RUNDC3B: variants seen among roughly 807,000 people sequenced by gnomAD.
The protein encoded by RUNDC3B is RUN domain containing 3B, also known as RUN domain-containing protein 3B.
RUNDC3B carries 33 observed loss-of-function variants against 58.4 expected under a neutral mutation model. The ratio of observed to expected loss-of-function variants is 0.56; its 90% CI spans 0.43 to 0.75. The LOEUF (loss-of-function observed/expected upper bound fraction) is 0.75, where lower values mean the gene tolerates loss of function less well. RUNDC3B is among the 30% of genes least tolerant of loss of function. RUNDC3B has a pLI of 0.00. For missense variants in RUNDC3B, 501 were observed against 535.7 expected (o/e 0.94, Z 0.64); for synonymous variants, 193 against 195.2 (o/e 0.99, Z 0.10).
At chr7:87,770,853 C>A in intron 7 of RUNDC3B, 104 bp downstream of exon 7, 1 of 724,392 alleles carries the variant, frequency 1.4e-6, no homozygotes, top group Non-Finnish European at 2.2e-6. Flanking sequence ...TTATCCATTG[C>A]TGCTTCTCTT....
At chr7:87,701,432 A>G (rs922262505) in intron 3 of RUNDC3B, among the ~76,000 whole-genome samples, 1 of 152,202 alleles carries the variant, frequency 6.6e-6, no homozygotes, top group Admixed American at 6.5e-5. Context: ...TAAAACATTG[A>G]TGTTGATATC....
intron 6 of RUNDC3B, among the ~76,000 whole-genome samples, chr7:87,758,856 G>A (rs889577711): frequency 6.6e-6 from 1 of 152,134 alleles, no homozygotes; most frequent in Non-Finnish European, 1.5e-5. Flanking sequence ...ATGGAGAAAG[G>A]GGAACCCTTT....
At chr7:87,817,837 G>C (rs1180925841) in intron 10 of RUNDC3B, among the ~76,000 whole-genome samples, 1 of 152,166 alleles carries the variant, frequency 6.6e-6, no homozygotes, top group Admixed American at 6.6e-5. Context: ...GTATGAACTA[G>C]AGTCTTGACA....
At chr7:87,820,141 C>A (rs1413519823) in intron 10 of RUNDC3B, among the ~76,000 whole-genome samples, 2 of 151,700 alleles carry the variant, frequency 1.3e-5, no homozygotes, top group Non-Finnish European at 2.9e-5. Context: ...AGACCGCTAG[C>A]AAGAATAATA....
intron 8 of RUNDC3B, among the ~76,000 whole-genome samples, chr7:87,793,546 A>C (rs530279125): frequency 7.2e-5 from 11 of 152,324 alleles, no homozygotes; most frequent in African/African-American, 2.2e-4. Flanking sequence ...AGTGTGATAC[A>C]TCATATCAAC....
chr7:87,817,581 C>T (rs969095480), intron 10 of RUNDC3B, among the ~76,000 whole-genome samples: 8 of 152,122 alleles, frequency 5.3e-5, no homozygotes, highest in African/African-American at 1.9e-4. Context: ...TTGCTTTTTC[C>T]ACTGCCCCAG....
chr7:87,762,112 CTATTCTTAATG>C (rs1833722441), intron 6 of RUNDC3B, among the ~76,000 whole-genome samples: 1 of 151,498 alleles, frequency 6.6e-6, no homozygotes, highest in African/African-American at 2.4e-5. Flanking sequence ...ATGTTTTCTT[CTATTCTTAATG>C]TGCTATGGGG....
chr7:87,669,146 G>A (rs1825576054), intron 2 of RUNDC3B, among the ~76,000 whole-genome samples: 1 of 152,128 alleles, frequency 6.6e-6, no homozygotes, highest in South Asian at 2.1e-4. Flanking sequence ...CTTGCTTTAT[G>A]AATCTGGGTG....
At chr7:87,646,244 C>T (rs1012723977) in intron 1 of RUNDC3B, among the ~76,000 whole-genome samples, 1 of 152,098 alleles carries the variant, frequency 6.6e-6, no homozygotes, top group Non-Finnish European at 1.5e-5. Context: ...CCATATAGGT[C>T]TCTTGATGAT....
At chr7:87,747,417 G>C (rs1422775432) in intron 6 of RUNDC3B, among the ~76,000 whole-genome samples, 1 of 152,216 alleles carries the variant, frequency 6.6e-6, no homozygotes, top group Admixed American at 6.5e-5. Context: ...TGTGAGGGTT[G>C]TTAGCTTTGG....
chr7:87,744,440 A>G (rs778362022), intron 6 of RUNDC3B, among the ~76,000 whole-genome samples: 7 of 152,202 alleles, frequency 4.6e-5, no homozygotes, highest in African/African-American at 7.2e-5. Flanking sequence ...CTACCCATCC[A>G]TGAGCATGGG....
chr7:87,656,930 G>A (rs1190275890), intron 2 of RUNDC3B, among the ~76,000 whole-genome samples: 1 of 152,062 alleles, frequency 6.6e-6, no homozygotes, highest in Admixed American at 6.6e-5. Context: ...TGTTGTAAGT[G>A]CTGGGCATAC....
At chr7:87,692,423 C>T (rs1166412494) in intron 2 of RUNDC3B, among the ~76,000 whole-genome samples, 4 of 152,186 alleles carry the variant, frequency 2.6e-5, no homozygotes, top group Non-Finnish European at 5.9e-5. Flanking sequence ...CATCACTGAG[C>T]TCCAGCCAGG....
chr7:87,673,156 T>C (rs1335842446), intron 2 of RUNDC3B, among the ~76,000 whole-genome samples: 2 of 152,196 alleles, frequency 1.3e-5, no homozygotes, highest in Non-Finnish European at 2.9e-5. Flanking sequence ...CATTTTTTCT[T>C]TCATTTTGAC....
At position 87,628,603 on chromosome 7, in the gene RUNDC3B, G is replaced by A; in HGVS notation, c.-221G>A. On this transcript the variant is annotated 5_prime_UTR_variant, in exon 1 of 11. It adds an upstream start codon to the 5' untranslated region. Transcript: ENST00000394654. Reference sequence around the variant, plus strand: ...TGCGTGCGTGTGTGTGTGTGTGTGTGTGTGTGTGTGTGTGTGTGTGTGGAG... The same window carrying A: ...TGCGTGCGTGTGTGTGTGTGTGTGTATGTGTGTGTGTGTGTGTGTGTGGAG... 3 of 359,988 alleles carry A rather than the reference G, an allele frequency of 8.3e-6. No individual in the cohort carries two copies. The East Asian group carries it at 1.2e-4, about 14-fold the overall frequency. 22.3% of individuals were successfully genotyped at this position (359,988 alleles called of 1,614,324 possible).
Position 87,703,659 on chromosome 7 carries a change from AGATTTTCTTTTTTTAATT to A in RUNDC3B, c.372+3106_372+3123del, listed in dbSNP as rs1162139919. ...ATTTCTTCATTTGTAAATTAATTAT[AGATTTTCTTTTTTTAATT>A]AAATTTTTCCCTCAGATATTTAAAT... On this transcript the variant is annotated intron_variant, in intron 3 of 10. Transcript: ENST00000394654. 2.0e-5 allele frequency among the ~76,000 whole-genome samples: 3 copies of A among 151,910 alleles called. No individual in the cohort carries two copies. In the East Asian group the frequency reaches 5.8e-4, roughly 29 times the overall value.
intron 4 of RUNDC3B, among the ~76,000 whole-genome samples, chr7:87,713,729 A>C (rs1296918318): frequency 6.6e-6 from 1 of 151,952 alleles, no homozygotes; most frequent in Non-Finnish European, 1.5e-5. Flanking sequence ...TAAAAATTGA[A>C]TTAATTTGTT....
chr7:87,804,440 T>C (rs1326605599), intron 8 of RUNDC3B, among the ~76,000 whole-genome samples: 3 of 152,132 alleles, frequency 2.0e-5, no homozygotes. Flanking sequence ...TTTTGAGTCA[T>C]TGCAGTAATA....
intron 3 of RUNDC3B, 70 bp from the exon 4 acceptor site, chr7:87,710,500 T>C (rs1583957732): frequency 1.2e-6 from 1 of 842,474 alleles, no homozygotes; most frequent in Non-Finnish European, 1.9e-6. Flanking sequence ...TATTAAAATA[T>C]TTTTGATGGC....
Sources: allele counts gnomAD v4.1 joint callset (sites outside exome capture counted in the v4.1 genomes callset), GRCh38; gene constraint gnomAD v4.1.1; transcripts MANE v1.5; gene names NCBI Gene and HGNC (gene_info 2026-07-23, HGNC 2026-07-21).